Variants in TRIM52 observed in about 807,000 individuals in gnomAD.
TRIM52 encodes the protein tripartite motif containing 52.
Under a neutral mutation model 27.0 loss-of-function variants are expected in TRIM52, and 24 were observed. The observed-to-expected ratio is 0.89, with a 90% CI of 0.64 to 1.25. The LOEUF (loss-of-function observed/expected upper bound fraction) is 1.25, where lower values mean the gene tolerates loss of function less well. Among genes scored for constraint, TRIM52 ranks in the 50% most tolerant of loss-of-function variants. The pLI, the probability that TRIM52 is intolerant of heterozygous loss-of-function variation, is 0.00. For synonymous variants in TRIM52, 125 were observed against 126.5 expected (o/e 0.99, Z 0.08); for missense variants, 351 against 354.7 (o/e 0.99, Z 0.08).
In TRIM52 at chr5:181,260,846, G is replaced by T. The variant is rs750472311; in HGVS notation, c.-33C>A. 2.6e-6 allele frequency: 4 copies of T among 1,549,478 alleles called. No homozygotes were observed. Among genetic ancestry groups the T allele is most frequent in the Non-Finnish European group, 3.5e-6 (4 of 1,145,566 alleles). ...CCCGCCGGCAGGTGTAGATACGTCA[G>T]CTTGGAGCTGAGGAGCGGGGACGCG... On this transcript the variant is annotated 5_prime_UTR_variant, in exon 1 of 2. In the 5' UTR this introduces an upstream ATG that the reference lacks. Transcript: ENST00000688015. The surrounding 1 kb of genome is among the most constrained non-coding windows in gnomAD (Gnocchi z 4.4).
At chr5:181,258,624 G>A (rs1248381147) in intron 1 of TRIM52, 1 of 149,666 alleles carries the variant, frequency 6.7e-6, no homozygotes, top group Non-Finnish European at 1.5e-5. Context: ...GCTATAAAAT[G>A]GGGGCAGGGG....
chr5:181,249,944 C>G (rs1759599778), downstream of TRIM52, among the ~76,000 whole-genome samples: 1 of 151,756 alleles, frequency 6.6e-6, no homozygotes, highest in Non-Finnish European at 1.5e-5. Flanking sequence ...AATTCTCCCA[C>G]CTCAGTCTCC....
At chr5:181,253,104 C>T (rs956903431), downstream of TRIM52, among the ~76,000 whole-genome samples, 6 of 124,420 alleles carry the variant, frequency 4.8e-5, no homozygotes, top group Non-Finnish European at 7.7e-5. Context: ...GGTGCGATCT[C>T]GGCTCACTGC....
chr5:181,256,425 G>A lies in TRIM52; in HGVS notation c.*384C>T, dbSNP rs960396420. On this transcript the variant is annotated 3_prime_UTR_variant, in exon 2 of 2. Transcript: ENST00000688015. ...GCTCTATTGCCCAGGCTGGAGTGCA[G>A]TGGCTCAGTCTCGGCTTACTGCAAG... is the stretch of plus-strand genomic sequence containing the variant. 6.6e-6 allele frequency: 1 copy of A among 151,308 alleles called. No individual in the cohort carries two copies. 9.4% of individuals were successfully genotyped at this position (151,308 alleles called of 1,614,324 possible). A position where few individuals can be genotyped will look rare whatever the true frequency, so the allele number is the denominator to read the frequency against.
chr5:181,260,342 C>A lies in TRIM52; in HGVS notation c.472G>T (p.Asp158Tyr). 1 of 1,614,100 alleles carries A rather than the reference C, an allele frequency of 6.2e-7. No homozygotes were observed. Among genetic ancestry groups the A allele is most frequent in the Non-Finnish European group, 8.5e-7 (1 of 1,180,012 alleles). The stretch of plus-strand genomic sequence containing the variant: ...TACAGCTCTTCATCTTCGTCCTCAT[C>A]GTATGCTTCCAGTATTTCTTCTTCT... ...YREEEILEAY[D>Y]EDEDEELYPD... Residue 158 changes from aspartate (D) to tyrosine (Y), a missense_variant, in exon 1 of 2, where the codon GAT (aspartate) becomes TAT (tyrosine). Asp to Tyr is a radical substitution (Grantham distance 160, BLOSUM62 -3). Coordinates refer to ENST00000688015, the MANE Select transcript of TRIM52 (RefSeq NM_001346048.2). This position sits in a 1 kb window ranked among gnomAD's most constrained non-coding sequence, Gnocchi z 4.4.
At chr5:181,259,914 G>C (rs1759955778) in intron 1 of TRIM52, 87 bp downstream of exon 1, 14 of 1,601,254 alleles carry the variant, frequency 8.7e-6, no homozygotes, top group African/African-American at 1.3e-5. Context: ...TACCTGAGGA[G>C]GTGGGAAAGG....
At chr5:181,252,666 C>T (rs1759659434), downstream of TRIM52, among the ~76,000 whole-genome samples, 1 of 152,206 alleles carries the variant, frequency 6.6e-6, no homozygotes, top group South Asian at 2.1e-4. Context: ...TTTCAGGAGG[C>T]ATGGCATAGA....
rs780466906 is a variant in TRIM52, at chr5:181,260,262, G to A, written c.552C>T (p.Pro184=). ...GACGTGTAAAGCTCTTTCGGCACTGGGGGCAGGTGAACTGCCCTGGAAGGG... is the reference window on the plus strand; with the variant it reads ...GACGTGTAAAGCTCTTTCGGCACTGAGGGCAGGTGAACTGCCCTGGAAGGG... ...SLPLPGQFTC[P]QCRKSFTRRS... is the part of the protein sequence containing the mutation. The change falls in exon 1 of 2, where the codon CCC becomes CCT. Residue 184 remains proline, a synonymous_variant. Coordinates refer to ENST00000688015, the MANE Select transcript of TRIM52 (RefSeq NM_001346048.2). This position sits in a 1 kb window ranked among gnomAD's most constrained non-coding sequence, Gnocchi z 4.4. 5 of 1,614,094 alleles carry A rather than the reference G, an allele frequency of 3.1e-6. No homozygotes were observed. The highest frequency in any genetic ancestry group is 1.3e-5 in the African/African-American group (1 of 74,926).
Position 181,260,610 on chromosome 5 carries a change from G to A in TRIM52, c.204C>T (p.Asp68=). The A allele has an allele frequency of 5.6e-6, 9 of 1,613,110 alleles. No individual in the cohort carries two copies. The highest frequency in any genetic ancestry group is 6.8e-6 in the Non-Finnish European group (8 of 1,179,784). The change falls in exon 1 of 2, where the codon GAC becomes GAT. Residue 68 remains aspartate (D), a synonymous_variant. Transcript: ENST00000688015. The surrounding 1 kb of genome is among the most constrained non-coding windows in gnomAD (Gnocchi z 4.4). ...EEEDEWEEEE[D]EEAVGAMDGW... Reference sequence around the variant, plus strand: ...CATCCATGGCCCCCACCGCTTCCTCGTCCTCCTCCTCCTCCCATTCATCTT... The same window carrying A: ...CATCCATGGCCCCCACCGCTTCCTCATCCTCCTCCTCCTCCCATTCATCTT...
At position 181,260,508 on chromosome 5, in the gene TRIM52, A is replaced by C. The variant is rs887512443; in HGVS notation, c.306T>G (p.Asp102Glu). The C allele has an allele frequency of 3.7e-6, 6 of 1,613,498 alleles. No homozygotes were observed. Among genetic ancestry groups the C allele is most frequent in the Non-Finnish European group, 4.2e-6 (5 of 1,179,944 alleles). ...DEELFQDQDD[D>E]ELWLGDSGIT... ...TACCACTGTCACCGAGCCAGAGTTC[A>C]TCGTCATCTTGGTCTTGGAACAACT... Residue 102 changes from aspartate (D) to glutamate (E), a missense_variant, in exon 1 of 2, where the codon GAT (aspartate) becomes GAG (glutamate). Transcript: ENST00000688015. This position sits in a 1 kb window ranked among gnomAD's most constrained non-coding sequence, Gnocchi z 4.4.
rs1759741316 is a variant in TRIM52, at chr5:181,255,554, GA to G, written c.*1254del. 1 of 152,156 alleles carries G rather than the reference GA, an allele frequency of 6.6e-6. No individual in the cohort carries two copies. Among genetic ancestry groups the G allele is most frequent in the Non-Finnish European group, 1.5e-5 (1 of 68,036 alleles). The allele number at this position is 152,156 out of a possible 1,614,324, so 9.4% of individuals were successfully genotyped here. ...TGGTAGATTTTAAGAACAAGCTCAG[GA>G]GCACATCACTCAAAATAATTCCAAG... On this transcript the variant is annotated 3_prime_UTR_variant, in exon 2 of 2. Transcript: ENST00000688015.
rs199917387 is a variant in TRIM52 at position 181,259,979 on chromosome 5, C to G, written c.813+22G>C. On this transcript the variant is annotated intron_variant, in intron 1 of 1. Coordinates refer to ENST00000688015, the MANE Select transcript of TRIM52 (RefSeq NM_001346048.2). ...TACCTTTCCACTCCCTTCATCCCCC[C>G]ACATTCCCTCATTTCTCTCACCTGG... 12 of 1,612,886 alleles carry G rather than the reference C, an allele frequency of 7.4e-6. No homozygotes were observed. The African/African-American group carries it at 9.3e-5, about 13-fold the overall frequency.
At chr5:181,253,415 A>C (rs1022549915), downstream of TRIM52, among the ~76,000 whole-genome samples, 56 of 142,832 alleles carry the variant, frequency 3.9e-4, 5 homozygotes, top group Admixed American at 2.2e-3. Flanking sequence ...TTGAACACCT[A>C]TGCCAGGCAC....
At chr5:181,259,722 G>A in intron 1 of TRIM52, 2 of 554,492 alleles carry the variant, frequency 3.6e-6, no homozygotes, top group South Asian at 2.1e-5. Context: ...TTACACTTAG[G>A]TAGACTGCCA....
At position 181,256,872 on chromosome 5, in the gene TRIM52, A is replaced by G. The variant is rs1759800319; in HGVS notation, c.814-13T>C. On this transcript the variant is annotated splice_polypyrimidine_tract_variant and intron_variant, in intron 1 of 1. Coordinates refer to ENST00000688015, the MANE Select transcript of TRIM52 (RefSeq NM_001346048.2). The stretch of plus-strand genomic sequence containing the variant: ...TTGACCCTATCTTCTGCAAAATAAC[A>G]TGAGTATATACTTGAGAAAAGCCTC... 4.1e-6 allele frequency: 4 copies of G among 985,372 alleles called. No individual in the cohort carries two copies. Among genetic ancestry groups the G allele is most frequent in the Admixed American group, 6.1e-5 (1 of 16,262 alleles). The allele number at this position is 985,372 out of a possible 1,614,324, so 61.0% of individuals were successfully genotyped here.
At chr5:181,253,018 C>A (rs1277487558), downstream of TRIM52, among the ~76,000 whole-genome samples, 1 of 151,610 alleles carries the variant, frequency 6.6e-6, no homozygotes, top group African/African-American at 2.4e-5. Context: ...TCCACTAATC[C>A]ACTGATACTC....
Position 181,260,423 on chromosome 5 carries a change from C to G in TRIM52, c.391G>C (p.Asp131His). Residue 131 changes from aspartate to histidine, a missense_variant, in exon 1 of 2, where the codon GAT (aspartate) becomes CAT (histidine). Asp to His is a moderately conservative substitution (Grantham distance 81). Transcript: ENST00000688015. The surrounding 1 kb of genome is among the most constrained non-coding windows in gnomAD (Gnocchi z 4.4). ...WDEEEEEEEEDQDYYLGGLRP... is the reference protein window; with the variant it reads ...WDEEEEEEEEHQDYYLGGLRP... ...AAGCCTCCTAGGTAATAGTCCTGAT[C>G]TTCCTCTTCTTCTTCTTCCTCCTCG... The G allele has an allele frequency of 6.3e-7, 1 of 1,576,014 alleles. No individual in the cohort carries two copies. Among genetic ancestry groups the G allele is most frequent in the Non-Finnish European group, 8.5e-7 (1 of 1,174,870 alleles).
intron 1 of TRIM52, chr5:181,258,339 G>C (rs771049728): frequency 6.6e-6 from 1 of 152,250 alleles, no homozygotes; most frequent in African/African-American, 2.4e-5. Flanking sequence ...GCAGTGAGCC[G>C]AGATCATGCC....
rs779831669 is a variant in TRIM52 at position 181,260,646 on chromosome 5, C to T, written c.168G>A (p.Gln56=). The T allele has an allele frequency of 3.1e-6, 5 of 1,613,982 alleles. No individual in the cohort carries two copies. The highest frequency in any genetic ancestry group is 8.5e-7 in the Non-Finnish European group (1 of 1,179,990). ...QLWSKEDEED[Q]NEEEDEWEEE... ...CCTCCCATTCATCTTCCTCCTCGTT[C>T]TGGTCCTCCTCGTCCTCCTTACTCC... Residue 56 remains glutamine, a synonymous_variant, in exon 1 of 2, where the codon CAG becomes CAA. Transcript: ENST00000688015. The surrounding 1 kb of genome is among the most constrained non-coding windows in gnomAD (Gnocchi z 4.4).
Sources: gnomAD v4.1 joint callset for allele counts (sites outside exome capture counted in the v4.1 genomes callset) on GRCh38, gnomAD v4.1.1 for gene constraint, Gnocchi (gnomAD v3.1) non-coding constraint, MANE v1.5 for transcripts, NCBI Gene and HGNC (gene_info 2026-07-23, HGNC 2026-07-21) for gene names.